The following GHR variants were observed in gnomAD, a reference collection of about 807,000 sequenced individuals.
GHR encodes the protein GH receptor.
A neutral mutation model predicts 67.1 loss-of-function variants in GHR; 35 were observed. The ratio of observed to expected loss-of-function variants is 0.52; its 90% CI spans 0.40 to 0.69. GHR has a LOEUF of 0.69. GHR is among the 30% of genes least tolerant of loss of function. The pLI, the probability that GHR is intolerant of heterozygous loss-of-function variation, is 0.00. For missense variants in GHR, 792 were observed against 764.6 expected, an observed-to-expected ratio of 1.04 and a Z score of -0.42; for synonymous variants, 272 against 269.1, an observed-to-expected ratio of 1.01 and a Z score of -0.10.
chr5:42,642,730 G>A (rs553627344), intron 3 of GHR, among the ~76,000 whole-genome samples: 1 of 152,234 alleles, frequency 6.6e-6, no homozygotes, highest in East Asian at 1.9e-4. Context: ...GGCTTAATAA[G>A]AGAAATGTAT....
chr5:42,645,163 A>G (rs1754667975), intron 3 of GHR, among the ~76,000 whole-genome samples: 1 of 152,196 alleles, frequency 6.6e-6, no homozygotes, highest in African/African-American at 2.4e-5. Flanking sequence ...AGGGTTGATA[A>G]TGAAATACTT....
chr5:42,704,504 C>A (rs1344755047), intron 6 of GHR, among the ~76,000 whole-genome samples: 1 of 151,738 alleles, frequency 6.6e-6, no homozygotes, highest in African/African-American at 2.4e-5. Context: ...AGATATTAGC[C>A]CATAATTTTC....
chr5:42,481,111 T>C (rs1012334014), intron 1 of GHR, among the ~76,000 whole-genome samples: 1 of 152,030 alleles, frequency 6.6e-6, no homozygotes, highest in African/African-American at 2.4e-5. Context: ...AGCATTTGCT[T>C]GTCTGTAAAG....
At chr5:42,618,851 C>A (rs189332024) in intron 2 of GHR, among the ~76,000 whole-genome samples, 1 of 152,176 alleles carries the variant, frequency 6.6e-6, no homozygotes, top group East Asian at 1.9e-4. Context: ...ACATGTTGGT[C>A]TGGGGCAAAG....
At chr5:42,566,046 G>T (rs964872770) in intron 2 of GHR, 102 bp downstream of exon 2, 3 of 1,353,288 alleles carry the variant, frequency 2.2e-6, no homozygotes, top group Non-Finnish European at 3.2e-6. Context: ...AAAGATGCAA[G>T]TTTTACATAG....
intron 1 of GHR, among the ~76,000 whole-genome samples, chr5:42,441,521 T>G (rs1340986442): frequency 6.6e-6 from 1 of 152,100 alleles, no homozygotes; most frequent in Non-Finnish European, 1.5e-5. Flanking sequence ...GGAGTTTTTT[T>G]TTTTTTGAGA....
At chr5:42,515,372 T>C (rs2112280406) in intron 1 of GHR, among the ~76,000 whole-genome samples, 1 of 152,356 alleles carries the variant, frequency 6.6e-6, no homozygotes, top group East Asian at 1.9e-4. Context: ...TTCCTGTCGT[T>C]AAACACAGTC....
intron 1 of GHR, among the ~76,000 whole-genome samples, chr5:42,428,554 G>A (rs1742953397): frequency 1.3e-5 from 2 of 152,096 alleles, no homozygotes; most frequent in Admixed American, 1.3e-4. Context: ...TCTTTTCTAT[G>A]GCATCATCAG....
intron 1 of GHR, among the ~76,000 whole-genome samples, chr5:42,460,946 A>G (rs555367160): frequency 6.6e-6 from 1 of 152,292 alleles, no homozygotes; most frequent in South Asian, 2.1e-4. Flanking sequence ...AGAGGATCCC[A>G]TATTCCCAAA....
chr5:42,552,793 A>G (rs373138123), intron 1 of GHR, among the ~76,000 whole-genome samples: 6 of 152,290 alleles, frequency 3.9e-5, no homozygotes, highest in African/African-American at 1.2e-4. Flanking sequence ...ATGACCCTCT[A>G]TTGGGTCATG....
At chr5:42,636,016 A>C (rs887289027) in intron 3 of GHR, among the ~76,000 whole-genome samples, 12 of 151,876 alleles carry the variant, frequency 7.9e-5, no homozygotes, top group Non-Finnish European at 1.3e-4. Flanking sequence ...GGAGACCATC[A>C]TGGCTAACAC....
chr5:42,633,990 T>C (rs1180360569), intron 3 of GHR, among the ~76,000 whole-genome samples: 1 of 152,126 alleles, frequency 6.6e-6, no homozygotes, highest in African/African-American at 2.4e-5. Context: ...AATTGTAGCC[T>C]TTTTTTCCTC....
rs184415234 is a variant in GHR, at chr5:42,482,537, G to A, written c.-12+58582G>A. On this transcript the variant is annotated intron_variant, in intron 1 of 9. Coordinates refer to ENST00000230882, the MANE Select transcript of GHR (RefSeq NM_000163.5). ...AGCTGTGGTTGGCTCCACCCAGTTC[G>A]AGCTTCCTGGCCGCTTTATTTACCT... is the stretch of plus-strand genomic sequence containing the variant. Among the ~76,000 whole-genome samples the A allele has an allele frequency of 2.5e-3, 385 of 152,314 alleles. 7 individuals are homozygous for A. The highest frequency in any genetic ancestry group is 0.023 in the Admixed American group (348 of 15,310).
chr5:42,577,173 C>T (rs924722854), intron 2 of GHR, among the ~76,000 whole-genome samples: 17 of 152,260 alleles, frequency 1.1e-4, no homozygotes, highest in African/African-American at 4.1e-4. Flanking sequence ...GAAATGTATG[C>T]CCAAATACAG....
In GHR at chr5:42,564,640, C is replaced by T. The variant is rs556053468; in HGVS notation, c.-11-1224C>T. On this transcript the variant is annotated intron_variant, in intron 1 of 9. Transcript: ENST00000230882. ...CCTCTGCTGTCTAGAAATTAAAGTA[C>T]GTCAAGAATTTTATCCCTATGTAGA... Among the ~76,000 whole-genome samples, 72 of 152,232 alleles carry T rather than the reference C, an allele frequency of 4.7e-4. 1 individual carries two copies. Among genetic ancestry groups the T allele is most frequent in the Non-Finnish European group, 7.5e-4 (51 of 68,012 alleles).
At chr5:42,663,485 G>A (rs954501603) in intron 3 of GHR, among the ~76,000 whole-genome samples, 1 of 152,088 alleles carries the variant, frequency 6.6e-6, no homozygotes, top group Non-Finnish European at 1.5e-5. Context: ...CAGAACCAAA[G>A]ACAAAAACCA....
intron 2 of GHR, among the ~76,000 whole-genome samples, chr5:42,626,475 T>A (rs543724121): frequency 6.6e-6 from 1 of 152,318 alleles, no homozygotes; most frequent in Admixed American, 6.5e-5. Flanking sequence ...TTCCATGACC[T>A]CTCTGAGTGC....
intron 2 of GHR, among the ~76,000 whole-genome samples, chr5:42,569,941 TATTTTGAAC>T (rs984311317): frequency 6.6e-6 from 1 of 152,182 alleles, no homozygotes; most frequent in African/African-American, 2.4e-5. Context: ...TTTTTCTGTA[TATTTTGAAC>T]ATTTTTCATA....
rs568848174 is a variant in GHR at position 42,527,402 on chromosome 5, G to T, written c.-11-38462G>T. On this transcript the variant is annotated intron_variant, in intron 1 of 9. Transcript: ENST00000230882. The stretch of plus-strand genomic sequence containing the variant: ...GCAAATGGAAAACAGGAAAAAGCAG[G>T]GGTTGCAATCCTAATTTCAGACAAA... Among the ~76,000 whole-genome samples the T allele has an allele frequency of 2.0e-5, 3 of 152,198 alleles. No individual in the cohort carries two copies. In the South Asian group the frequency reaches 6.2e-4, roughly 32 times the overall value.
Sources: gnomAD v4.1 joint callset for allele counts (sites outside exome capture counted in the v4.1 genomes callset) on GRCh38, gnomAD v4.1.1 for gene constraint, MANE v1.5 for transcripts, NCBI Gene and HGNC (gene_info 2026-07-23, HGNC 2026-07-21) for gene names.